The following MCC variants were observed in gnomAD, a reference collection of about 807,000 sequenced individuals.
MCC encodes the protein colorectal mutant cancer protein.
A neutral mutation model predicts 116.2 loss-of-function variants in MCC; 90 were observed. The observed-to-expected ratio is 0.77, with a 90% CI of 0.65 to 0.92. The LOEUF (loss-of-function observed/expected upper bound fraction) is 0.92. MCC is among the 40% of genes least tolerant of loss of function. The pLI is 0.00. For synonymous variants in MCC, 578 were observed against 510.5 expected (o/e 1.13, Z -1.78); for missense variants, 1,516 against 1,312.2 (o/e 1.16, Z -2.40).
intron 1 of MCC, among the ~76,000 whole-genome samples, chr5:113,485,051 T>C (rs982069205): frequency 6.6e-6 from 1 of 152,178 alleles, no homozygotes; most frequent in Non-Finnish European, 1.5e-5. Context: ...GGGTCCCTTT[T>C]ATAGGCTAAA....
At chr5:113,199,678 G>A (rs1420503853) in intron 3 of MCC, among the ~76,000 whole-genome samples, 3 of 152,152 alleles carry the variant, frequency 2.0e-5, no homozygotes, top group Non-Finnish European at 4.4e-5. Context: ...TGGGGTGAAG[G>A]CAGTTGGATT....
intron 3 of MCC, among the ~76,000 whole-genome samples, chr5:113,184,340 A>C (rs1023709187): frequency 5.9e-5 from 9 of 152,354 alleles, no homozygotes; most frequent in African/African-American, 1.9e-4. Context: ...TATGCTAAGC[A>C]TAACTTATTT....
chr5:113,080,815 C>CAAAAAAA (rs1236332931), intron 11 of MCC, among the ~76,000 whole-genome samples: 71 of 110,106 alleles, frequency 6.4e-4, no homozygotes, highest in South Asian at 1.1e-3. Flanking sequence ...ACAACAACAA[C>CAAAAAAA]AAAAAAAAAA....
intron 2 of MCC, among the ~76,000 whole-genome samples, chr5:113,341,646 T>C (rs921137309): frequency 3.9e-5 from 6 of 152,182 alleles, no homozygotes; most frequent in African/African-American, 9.7e-5. Flanking sequence ...CAGTGTGTGA[T>C]TCTCCATGCC....
intron 8 of MCC, among the ~76,000 whole-genome samples, chr5:113,085,791 A>G (rs946839526): frequency 3.9e-5 from 6 of 152,142 alleles, no homozygotes; most frequent in African/African-American, 1.4e-4. Context: ...TCCTGGGCTC[A>G]AGGGATCCTC....
At chr5:113,125,370 T>G (rs1581113290) in intron 5 of MCC, among the ~76,000 whole-genome samples, 1 of 152,272 alleles carries the variant, frequency 6.6e-6, no homozygotes, top group East Asian at 1.9e-4. Context: ...TAAATAGTCA[T>G]CAGAGGTGGA....
chr5:113,367,636 G>GC (rs1411437552), intron 2 of MCC, among the ~76,000 whole-genome samples: 8 of 110,782 alleles, frequency 7.2e-5, no homozygotes, highest in Non-Finnish European at 1.1e-4. Flanking sequence ...GGGTGGGGGG[G>GC]GGGAAGAGAG....
At chr5:113,150,165 A>T (rs1759764611) in intron 4 of MCC, among the ~76,000 whole-genome samples, 1 of 152,202 alleles carries the variant, frequency 6.6e-6, no homozygotes, top group Non-Finnish European at 1.5e-5. Flanking sequence ...GTCCAGATAA[A>T]AGCAGGTAAA....
intron 17 of MCC, among the ~76,000 whole-genome samples, chr5:113,042,972 CG>C (rs1751820994): frequency 6.6e-6 from 1 of 151,894 alleles, no homozygotes; most frequent in East Asian, 1.9e-4. Flanking sequence ...CTGTAGCACC[CG>C]GGGAAAAAGC....
intron 3 of MCC, among the ~76,000 whole-genome samples, chr5:113,193,366 G>T (rs996573114): frequency 2.0e-5 from 3 of 151,470 alleles, no homozygotes; most frequent in Admixed American, 1.3e-4. Flanking sequence ...TGGGGTGGGG[G>T]TGGGCAGGCA....
intron 3 of MCC, among the ~76,000 whole-genome samples, chr5:113,214,943 A>T (rs982317336): frequency 3.9e-5 from 6 of 152,178 alleles, no homozygotes; most frequent in African/African-American, 1.4e-4. Flanking sequence ...ACCTGCAGTG[A>T]GGCTGAACCT....
intron 3 of MCC, among the ~76,000 whole-genome samples, chr5:113,327,561 A>AAAAATATATATATATATATATAT (rs1480996383): frequency 2.5e-5 from 2 of 80,554 alleles, no homozygotes; most frequent in Admixed American, 1.3e-4. Flanking sequence ...AAAAAAAAAA[A>AAAAATATATATATATATATATAT]ATATATATAT....
In MCC at chr5:113,143,173, G is replaced by A. The variant is rs775932910; in HGVS notation, c.884+45C>T. On this transcript the variant is annotated intron_variant, in intron 5 of 18. Transcript: ENST00000408903. ...GGGCTACTTCAGCTCCAAGATGGAG[G>A]GTTTAGCAGAAGGGGCAGAGTAAAA... 6 of 1,533,652 alleles carry A rather than the reference G, an allele frequency of 3.9e-6. No homozygotes were observed. In the African/African-American group the frequency reaches 5.6e-5, roughly 14 times the overall value.
chr5:113,080,171 G>A (rs1208877713), intron 11 of MCC, among the ~76,000 whole-genome samples: 1 of 152,234 alleles, frequency 6.6e-6, no homozygotes, highest in Non-Finnish European at 1.5e-5. Context: ...TGGAAAGGAT[G>A]TGGAGAAACA....
At chr5:113,279,025 A>C (rs1765934509) in intron 3 of MCC, among the ~76,000 whole-genome samples, 1 of 152,226 alleles carries the variant, frequency 6.6e-6, no homozygotes, top group Non-Finnish European at 1.5e-5. Context: ...TAAAGGCAAG[A>C]ATATAAAGGG....
chr5:113,357,884 G>C (rs1189368515), intron 2 of MCC, among the ~76,000 whole-genome samples: 1 of 152,228 alleles, frequency 6.6e-6, no homozygotes, highest in African/African-American at 2.4e-5. Flanking sequence ...CCCAAAGTCA[G>C]AGGTCAAACT....
intron 10 of MCC, 137 bp from the exon 11 acceptor site, chr5:113,083,145 G>T: frequency 1.4e-6 from 1 of 729,658 alleles, no homozygotes; most frequent in Non-Finnish European, 2.2e-6. Context: ...TTCTCAGTTT[G>T]TAGGATAGAA....
chr5:113,111,021 C>A (rs900398660), intron 6 of MCC, among the ~76,000 whole-genome samples: 1 of 152,156 alleles, frequency 6.6e-6, no homozygotes, highest in African/African-American at 2.4e-5. Context: ...ATGGCTCCTC[C>A]TGCCCTTTTC....
rs1490452119 is a variant in MCC at position 113,132,423 on chromosome 5, CATACATAT to C, written c.885-9605_885-9598del. 9.6e-3 allele frequency among the ~76,000 whole-genome samples: 1,244 copies of C among 130,170 alleles called. 17 individuals are homozygous for C. The highest frequency in any genetic ancestry group is 0.011 in the Middle Eastern group (3 of 266). 85.4% of individuals were successfully genotyped at this position (130,170 alleles called of 152,430 possible). On this transcript the variant is annotated intron_variant, in intron 5 of 18. Coordinates refer to ENST00000408903, the MANE Select transcript of MCC (RefSeq NM_001085377.2). ...ACATACATACATATATATATACACA[CATACATAT>C]ATATATATATATACACACACACACA... is the stretch of plus-strand genomic sequence containing the variant.
Sources: gnomAD v4.1 joint callset for allele counts (sites outside exome capture counted in the v4.1 genomes callset) on GRCh38, gnomAD v4.1.1 for gene constraint, MANE v1.5 for transcripts, NCBI Gene and HGNC (gene_info 2026-07-23, HGNC 2026-07-21) for gene names.